ROCK2: variants seen among roughly 807,000 people sequenced by gnomAD.
ROCK2 encodes rho-associated protein kinase 2.
ROCK2 carries 61 observed loss-of-function variants against 195.1 expected under a neutral mutation model. The ratio of observed to expected loss-of-function variants is 0.31; its 90% CI spans 0.25 to 0.39. ROCK2 has a LOEUF of 0.39. Among genes scored for constraint, ROCK2 ranks in the 10% least tolerant of loss-of-function variants. ROCK2 has a pLI of 1.00. For synonymous variants in ROCK2, 504 were observed against 545.5 expected (o/e 0.92, Z 1.06); for missense variants, 1,109 against 1,637.4 (o/e 0.68, Z 5.57).
At chr2:11,248,881 C>T (rs995685606) in intron 4 of ROCK2, among the ~76,000 whole-genome samples, 6 of 151,562 alleles carry the variant, frequency 4.0e-5, no homozygotes, top group Admixed American at 1.3e-4. Context: ...TCAAGATAGG[C>T]TGATTAATGT....
chr2:11,192,378 G>T lies in ROCK2; in HGVS notation c.3950-17C>A. On this transcript the variant is annotated splice_polypyrimidine_tract_variant and intron_variant, in intron 31 of 32. Coordinates refer to ENST00000315872, the MANE Select transcript of ROCK2 (RefSeq NM_004850.5). The surrounding 1 kb of genome is among the most constrained non-coding windows in gnomAD (Gnocchi z 5.0). ...CATAATATACTATAAAGAAAAATTA[G>T]AAAAAAAAATTAATGTGCTTAAAAT... is the stretch of plus-strand genomic sequence containing the variant. 2.5e-6 allele frequency: 4 copies of T among 1,586,298 alleles called. No homozygotes were observed. Among genetic ancestry groups the T allele is most frequent in the Non-Finnish European group, 3.4e-6 (4 of 1,168,700 alleles).
chr2:11,274,873 T>C (rs1173924754), intron 3 of ROCK2, among the ~76,000 whole-genome samples: 1 of 152,220 alleles, frequency 6.6e-6, no homozygotes, highest in African/African-American at 2.4e-5. Flanking sequence ...TGGAGAGTAC[T>C]GAATCCTATA....
intron 1 of ROCK2, among the ~76,000 whole-genome samples, chr2:11,320,086 G>T (rs1668354668): frequency 6.6e-6 from 1 of 152,044 alleles, no homozygotes; most frequent in Non-Finnish European, 1.5e-5. Context: ...AAAAGGCAAT[G>T]GCAAGAAAAG....
intron 3 of ROCK2, among the ~76,000 whole-genome samples, chr2:11,273,872 T>C (rs889327908): frequency 6.7e-6 from 1 of 148,714 alleles, no homozygotes; most frequent in African/African-American, 2.5e-5. Flanking sequence ...GAGCTGGCAG[T>C]GAGCCGAGGT....
intron 1 of ROCK2, among the ~76,000 whole-genome samples, chr2:11,330,278 C>T (rs1001891318): frequency 1.3e-5 from 2 of 152,076 alleles, no homozygotes; most frequent in Admixed American, 6.6e-5. Flanking sequence ...ATCTTTAGGG[C>T]TTTAAAGATA....
rs1445973321 is a variant in ROCK2, at chr2:11,260,684, T to C, written c.325-10886A>G. Among the ~76,000 whole-genome samples the C allele has an allele frequency of 1.1e-4, 17 of 152,326 alleles. No individual in the cohort carries two copies. In the East Asian group the frequency reaches 3.3e-3, roughly 29 times the overall value. On this transcript the variant is annotated intron_variant, in intron 3 of 32. Transcript: ENST00000315872. ...AGTTTTTAAACTTCTGTTATAAAGA[T>C]ATCAACAGAAGCTAAAATATATTTG...
At chr2:11,222,581 T>G (rs1299635776) in intron 7 of ROCK2, among the ~76,000 whole-genome samples, 1 of 152,154 alleles carries the variant, frequency 6.6e-6, no homozygotes, top group African/African-American at 2.4e-5. Context: ...ATTTTAAAAA[T>G]CTCTCCCTTT....
chr2:11,287,813 T>C lies in ROCK2; in HGVS notation c.142-77A>G, dbSNP rs1396002909. 1.4e-5 allele frequency: 7 copies of C among 514,856 alleles called. No homozygotes were observed. In the South Asian group the frequency reaches 2.0e-4, roughly 15 times the overall value. 31.9% of individuals were successfully genotyped at this position (514,856 alleles called of 1,614,324 possible). On this transcript the variant is annotated intron_variant, in intron 1 of 32. Transcript: ENST00000315872. Reference sequence around the variant, plus strand: ...CATTTAAAAAAGTCTTTTAATTTTATTTATGTCATTTTCACCAGGAAAATG... The same window carrying C: ...CATTTAAAAAAGTCTTTTAATTTTACTTATGTCATTTTCACCAGGAAAATG...
chr2:11,296,038 GAGAGAGAGAGAGAA>G (rs1330149124), intron 1 of ROCK2, among the ~76,000 whole-genome samples: 4 of 148,944 alleles, frequency 2.7e-5, no homozygotes, highest in African/African-American at 9.9e-5. Context: ...GAGAGAGAGA[GAGAGAGAGAGAGAA>G]AACAAAGGGT....
At chr2:11,218,131 A>G in intron 11 of ROCK2, 1 of 206,848 alleles carries the variant, frequency 4.8e-6, no homozygotes, top group Non-Finnish European at 9.6e-6. Context: ...AAAAATATAC[A>G]GGCTAATGAA....
intron 5 of ROCK2, among the ~76,000 whole-genome samples, chr2:11,229,128 A>C (rs539459312): frequency 7.9e-5 from 12 of 152,236 alleles, no homozygotes; most frequent in African/African-American, 2.9e-4. Flanking sequence ...ATTGGTTATA[A>C]ACTATTATAT....
intron 27 of ROCK2, among the ~76,000 whole-genome samples, chr2:11,196,884 G>A (rs1029012960): frequency 2.6e-5 from 4 of 152,018 alleles, no homozygotes; most frequent in African/African-American, 7.2e-5. Flanking sequence ...AACATAAAAG[G>A]AAGTAAGAAT....
intron 1 of ROCK2, among the ~76,000 whole-genome samples, chr2:11,314,847 A>G (rs1217584857): frequency 6.6e-6 from 1 of 152,030 alleles, no homozygotes; most frequent in African/African-American, 2.4e-5. Context: ...GAGCTGCAAA[A>G]AAGGAAAAAT....
intron 3 of ROCK2, among the ~76,000 whole-genome samples, chr2:11,258,278 A>G (rs1666105418): frequency 6.6e-6 from 1 of 151,428 alleles, no homozygotes; most frequent in Non-Finnish European, 1.5e-5. Context: ...CAAATACTCT[A>G]GAGCAGTATT....
chr2:11,204,314 T>A (rs924558915), intron 20 of ROCK2, among the ~76,000 whole-genome samples: 1 of 151,978 alleles, frequency 6.6e-6, no homozygotes, highest in Non-Finnish European at 1.5e-5. Flanking sequence ...ACCCCCCATT[T>A]CCCTCTTATA....
chr2:11,329,881 G>T (rs1668665834), intron 1 of ROCK2, among the ~76,000 whole-genome samples: 1 of 152,044 alleles, frequency 6.6e-6, no homozygotes, highest in African/African-American at 2.4e-5. Context: ...TTTAAATGTT[G>T]CAACCATGAG....
intron 1 of ROCK2, among the ~76,000 whole-genome samples, chr2:11,320,552 G>A (rs377351274): frequency 3.3e-5 from 5 of 152,142 alleles, no homozygotes; most frequent in East Asian, 3.8e-4. Context: ...ATTATGAAGC[G>A]ATAAAATTAT....
intron 20 of ROCK2, among the ~76,000 whole-genome samples, chr2:11,202,536 C>T (rs547760921): frequency 3.8e-4 from 58 of 151,702 alleles, no homozygotes; most frequent in Non-Finnish European, 7.1e-4. Flanking sequence ...CTCACTCTGT[C>T]GCCCAGGCTG....
chr2:11,257,344 C>A (rs1054592461), intron 3 of ROCK2, among the ~76,000 whole-genome samples: 6 of 151,404 alleles, frequency 4.0e-5, no homozygotes, highest in Non-Finnish European at 7.4e-5. Flanking sequence ...GCAGTGGCGG[C>A]GTCACGATCA....
Sources: allele counts gnomAD v4.1 joint callset (sites outside exome capture counted in the v4.1 genomes callset), GRCh38; gene constraint gnomAD v4.1.1; non-coding constraint Gnocchi (gnomAD v3.1); transcripts MANE v1.5; gene names NCBI Gene and HGNC (gene_info 2026-07-23, HGNC 2026-07-21).